The following COBL variants were observed in gnomAD, a reference collection of about 807,000 sequenced individuals.
The protein encoded by COBL is protein cordon-bleu.
A neutral mutation model predicts 98.8 loss-of-function variants in COBL; 51 were observed. The observed-to-expected ratio is 0.52, with a 90% CI of 0.41 to 0.65. The LOEUF (loss-of-function observed/expected upper bound fraction) is 0.65. Ranked by LOEUF, COBL falls within the 30% of genes least tolerant of loss-of-function variation. The pLI, the probability that COBL is intolerant of heterozygous loss-of-function variation, is 0.00. For synonymous variants in COBL, 634 were observed against 651.7 expected, an observed-to-expected ratio of 0.97 and a Z score of 0.41; for missense variants, 1,617 against 1,617.5, an observed-to-expected ratio of 1.00 and a Z score of 0.01.
intron 8 of COBL, among the ~76,000 whole-genome samples, chr7:51,040,515 G>A (rs1220697009): frequency 6.6e-6 from 1 of 152,204 alleles, no homozygotes. Context: ...TATTATATAT[G>A]CAACATGCAT....
At chr7:51,160,637 C>A (rs1237714523) in intron 5 of COBL, among the ~76,000 whole-genome samples, 1 of 152,164 alleles carries the variant, frequency 6.6e-6, no homozygotes. Context: ...TGATTATGAG[C>A]TCACGGTACA....
chr7:51,315,950 TG>T (rs1325103280), intron 1 of COBL, among the ~76,000 whole-genome samples: 1 of 151,910 alleles, frequency 6.6e-6, no homozygotes, highest in African/African-American at 2.4e-5. Flanking sequence ...GCCTCAGGCC[TG>T]GCCCCACTAG....
chr7:51,043,592 C>G lies in COBL; in HGVS notation c.1197G>C (p.Ala399=). 1 of 1,614,208 alleles carries G rather than the reference C, an allele frequency of 6.2e-7. No individual in the cohort carries two copies. Residue 399 remains alanine, a synonymous_variant, in exon 8 of 13, where the codon GCG becomes GCC. Transcript: ENST00000265136. Reference sequence around the variant, plus strand: ...CTGAGTCCTCGGTCGTGTCCTCCGACGCAAAACAGCTGCCAACTGACACGG... The same window carrying G: ...CTGAGTCCTCGGTCGTGTCCTCCGAGGCAAAACAGCTGCCAACTGACACGG... ...EETVSVGSCF[A]SEDTTEDSGV...
At chr7:51,053,443 C>A (rs1460453688) in intron 7 of COBL, among the ~76,000 whole-genome samples, 1 of 152,230 alleles carries the variant, frequency 6.6e-6, no homozygotes, top group Non-Finnish European at 1.5e-5. Context: ...CTCACCCAGT[C>A]AGGAAGGCCT....
chr7:51,137,835 A>G (rs954241009), intron 5 of COBL, among the ~76,000 whole-genome samples: 6 of 152,172 alleles, frequency 3.9e-5, no homozygotes, highest in African/African-American at 1.2e-4. Flanking sequence ...CTGGGTCACT[A>G]TGCTTTCATA....
intron 2 of COBL, among the ~76,000 whole-genome samples, chr7:51,218,668 G>T (rs1044497275): frequency 5.3e-5 from 8 of 152,066 alleles, no homozygotes; most frequent in Non-Finnish European, 1.2e-4. Flanking sequence ...TAGAAATGGG[G>T]TTTCACCATT....
At chr7:51,181,139 C>G (rs1788909412) in intron 5 of COBL, among the ~76,000 whole-genome samples, 1 of 152,198 alleles carries the variant, frequency 6.6e-6, no homozygotes, top group African/African-American at 2.4e-5. Flanking sequence ...ACAGGGCTAT[C>G]TGAGAATCAC....
chr7:51,175,826 A>G (rs1039836091), intron 5 of COBL, among the ~76,000 whole-genome samples: 6 of 152,152 alleles, frequency 3.9e-5, no homozygotes, highest in African/African-American at 1.4e-4. Context: ...TCACCTAAAG[A>G]TAGGCTCCAT....
intron 6 of COBL, among the ~76,000 whole-genome samples, chr7:51,130,868 G>T (rs1798672338): frequency 6.6e-6 from 1 of 152,220 alleles, no homozygotes; most frequent in Non-Finnish European, 1.5e-5. Context: ...AACATACACA[G>T]ATCGTCCTCA....
chr7:51,170,547 CATAT>C (rs989683235), intron 5 of COBL, among the ~76,000 whole-genome samples: 4 of 144,902 alleles, frequency 2.8e-5, no homozygotes, highest in African/African-American at 7.7e-5. Context: ...ATATCACATA[CATAT>C]ATATATGTCA....
At chr7:51,235,872 A>G (rs1242765948) in intron 1 of COBL, among the ~76,000 whole-genome samples, 1 of 151,568 alleles carries the variant, frequency 6.6e-6, no homozygotes, top group Non-Finnish European at 1.5e-5. Context: ...CCCCTCCTGC[A>G]CTCTTCCTGG....
rs981974690 is a variant in COBL at position 51,172,644 on chromosome 7, T to C, written c.783+11458A>G. The C allele has an allele frequency of 1.6e-5, 9 of 567,226 alleles. No individual in the cohort carries two copies. The Admixed American group carries it at 3.1e-4, about 19-fold the overall frequency. 35.1% of individuals were successfully genotyped at this position (567,226 alleles called of 1,614,324 possible). On this transcript the variant is annotated intron_variant, in intron 5 of 12. Coordinates refer to ENST00000265136, the MANE Select transcript of COBL (RefSeq NM_015198.5). ...AGTGTGGCCACAAGGCAGCAAACCC[T>C]TCACTTAATAGGTGTAATCTTTACC...
intron 1 of COBL, among the ~76,000 whole-genome samples, chr7:51,243,323 C>G (rs1238635875): frequency 6.6e-6 from 1 of 152,210 alleles, no homozygotes; most frequent in African/African-American, 2.4e-5. Flanking sequence ...ATGTGCGAGT[C>G]ACCTCACCCC....
intron 6 of COBL, among the ~76,000 whole-genome samples, chr7:51,109,636 T>C (rs543236761): frequency 4.6e-5 from 7 of 152,154 alleles, no homozygotes; most frequent in African/African-American, 1.7e-4. Flanking sequence ...ACCACTGTGC[T>C]ACCAGGCTCG....
chr7:51,134,956 CTTTT>C (rs983727768), intron 6 of COBL, among the ~76,000 whole-genome samples: 1 of 149,396 alleles, frequency 6.7e-6, no homozygotes, highest in East Asian at 1.9e-4. Flanking sequence ...GTATACATTC[CTTTT>C]TTTTTTATTT....
chr7:51,155,115 G>C (rs1785985249), intron 5 of COBL, among the ~76,000 whole-genome samples: 1 of 152,170 alleles, frequency 6.6e-6, no homozygotes, highest in Non-Finnish European at 1.5e-5. Context: ...ACAAAATTCA[G>C]CTATAAATGG....
intron 2 of COBL, among the ~76,000 whole-genome samples, chr7:51,201,801 G>A (rs751469482): frequency 3.3e-5 from 5 of 151,356 alleles, no homozygotes; most frequent in Non-Finnish European, 5.9e-5. Context: ...ATCAATAACA[G>A]TATTTCTAAG....
chr7:51,257,631 A>T (rs532546489), intron 1 of COBL, among the ~76,000 whole-genome samples: 37 of 152,276 alleles, frequency 2.4e-4, no homozygotes, highest in African/African-American at 8.9e-4. Context: ...GGGATTATGT[A>T]TATTTATAGA....
At chr7:51,045,417 G>C (rs1186326169) in intron 7 of COBL, among the ~76,000 whole-genome samples, 1 of 152,124 alleles carries the variant, frequency 6.6e-6, no homozygotes, top group Non-Finnish European at 1.5e-5. Flanking sequence ...TGAAGGGACA[G>C]ACACGTACGC....
Sources: gnomAD v4.1 joint callset for allele counts (sites outside exome capture counted in the v4.1 genomes callset) on GRCh38, gnomAD v4.1.1 for gene constraint, MANE v1.5 for transcripts, NCBI Gene and HGNC (gene_info 2026-07-23, HGNC 2026-07-21) for gene names.